Variants in GRIA1 observed in about 807,000 individuals in gnomAD.
The protein encoded by GRIA1 is glutamate ionotropic receptor AMPA type subunit 1, also known as glutamate receptor 1.
In GRIA1, 31 loss-of-function variants were observed where a neutral mutation model predicts 99.2. The observed-to-expected ratio is 0.31, with a 90% CI of 0.23 to 0.42. GRIA1 has a LOEUF of 0.42. Among genes scored for constraint, GRIA1 ranks in the 10% least tolerant of loss-of-function variants. GRIA1 has a pLI of 1.00. For missense variants in GRIA1, 782 were observed against 1,157.5 expected, an observed-to-expected ratio of 0.68 and a Z score of 4.71; for synonymous variants, 438 against 432.4, an observed-to-expected ratio of 1.01 and a Z score of -0.16.
intron 2 of GRIA1, among the ~76,000 whole-genome samples, chr5:153,592,859 G>GTAA (rs1764087827): frequency 6.6e-6 from 1 of 152,192 alleles, no homozygotes; most frequent in African/African-American, 2.4e-5. Context: ...TTTACAGATG[G>GTAA]CCACCTTCTT....
intron 13 of GRIA1, among the ~76,000 whole-genome samples, chr5:153,786,652 C>A (rs1764978533): frequency 6.6e-6 from 1 of 152,116 alleles, no homozygotes; most frequent in African/African-American, 2.4e-5. Context: ...AAGACTAAGA[C>A]CAATACACAT....
chr5:153,537,503 C>T (rs145578584), intron 2 of GRIA1, among the ~76,000 whole-genome samples: 3 of 152,328 alleles, frequency 2.0e-5, no homozygotes, highest in African/African-American at 7.2e-5. Flanking sequence ...GTCTCGCTGC[C>T]TGGGTCCCTT....
At chr5:153,653,621 CTA>C (rs1754730925) in intron 4 of GRIA1, among the ~76,000 whole-genome samples, 2 of 152,158 alleles carry the variant, frequency 1.3e-5, no homozygotes, top group Admixed American at 1.3e-4. Context: ...TCACATCCCC[CTA>C]TGTTATTGTC....
chr5:153,650,290 T>G, intron 3 of GRIA1, 40 bp from the exon 4 acceptor site: 2 of 1,479,520 alleles, frequency 1.4e-6, no homozygotes, highest in Non-Finnish European at 1.9e-6. Context: ...CCACAAATCC[T>G]GACTGTCTGT....
At chr5:153,771,078 A>G (rs1763855786) in intron 13 of GRIA1, among the ~76,000 whole-genome samples, 1 of 152,224 alleles carries the variant, frequency 6.6e-6, no homozygotes, top group African/African-American at 2.4e-5. Context: ...ATGGAGTCAC[A>G]ATACCTAGAT....
intron 2 of GRIA1, among the ~76,000 whole-genome samples, chr5:153,531,971 A>G (rs1340051692): frequency 6.6e-6 from 1 of 152,128 alleles, no homozygotes; most frequent in African/African-American, 2.4e-5. Context: ...CTTCCAGTCC[A>G]TACTTGAAAA....
intron 2 of GRIA1, among the ~76,000 whole-genome samples, chr5:153,560,033 A>G (rs1760986715): frequency 1.3e-5 from 2 of 152,256 alleles, no homozygotes; most frequent in African/African-American, 4.8e-5. Flanking sequence ...CTAGAAAACC[A>G]AGGCACAGAG....
intron 2 of GRIA1, among the ~76,000 whole-genome samples, chr5:153,559,353 G>A (rs1760924767): frequency 6.6e-6 from 1 of 152,170 alleles, no homozygotes; most frequent in Admixed American, 6.5e-5. Flanking sequence ...TTATCAAGAT[G>A]AGGCACATGA....
intron 2 of GRIA1, among the ~76,000 whole-genome samples, chr5:153,579,330 T>C (rs1037828179): frequency 3.3e-5 from 5 of 152,350 alleles, no homozygotes; most frequent in East Asian, 1.9e-4. Context: ...ATAGCACCAA[T>C]GTATTCTCTA....
chr5:153,611,020 G>A (rs1765940277), intron 2 of GRIA1, among the ~76,000 whole-genome samples: 1 of 151,996 alleles, frequency 6.6e-6, no homozygotes, highest in South Asian at 2.1e-4. Flanking sequence ...TTGGATATGG[G>A]GATTTCCAAA....
At chr5:153,493,030 T>A (rs1377234447) in intron 1 of GRIA1, among the ~76,000 whole-genome samples, 2 of 152,366 alleles carry the variant, frequency 1.3e-5, no homozygotes, top group Non-Finnish European at 2.9e-5. Flanking sequence ...TCTCTAGAAA[T>A]GGCTGATTTT....
In GRIA1 at chr5:153,811,156, C is replaced by T; in HGVS notation, c.2652C>T (p.Pro884=). Reference sequence around the variant, plus strand: ...GTCGGGTGGTCAGCCATGACTTCCCCAAGTCCATGCAATCGATTCCTTGCA... The same window carrying T: ...GTCGGGTGGTCAGCCATGACTTCCCTAAGTCCATGCAATCGATTCCTTGCA... The part of the protein sequence containing the change: ...ENGRVVSHDF[P]KSMQSIPCMS... The change falls in exon 16 of 16, where the codon CCC becomes CCT. Residue 884 remains proline, a synonymous_variant. Coordinates refer to ENST00000285900, the MANE Select transcript of GRIA1 (RefSeq NM_000827.4). The T allele has an allele frequency of 6.2e-7, 1 of 1,614,108 alleles. No individual in the cohort carries two copies. Among genetic ancestry groups the T allele is most frequent in the African/African-American group, 1.3e-5 (1 of 75,044 alleles).
At chr5:153,673,919 G>A (rs927541770) in intron 5 of GRIA1, among the ~76,000 whole-genome samples, 1 of 152,214 alleles carries the variant, frequency 6.6e-6, no homozygotes, top group Admixed American at 6.5e-5. Flanking sequence ...ATGGAAAAGA[G>A]CACAGGGTGA....
At chr5:153,743,959 C>T (rs547364204) in intron 11 of GRIA1, among the ~76,000 whole-genome samples, 1 of 152,224 alleles carries the variant, frequency 6.6e-6, no homozygotes, top group East Asian at 1.9e-4. Context: ...GGCCCAGGTC[C>T]TAGTGATGAA....
rs547489464 is a variant in GRIA1, at chr5:153,811,791, C to T, written c.*566C>T. The stretch of plus-strand genomic sequence containing the variant: ...CTCCATGGGGGCTCTCCATGTTACC[C>T]TCCACTCCTTGGCCCAAACCTCTGA... On this transcript the variant is annotated 3_prime_UTR_variant, in exon 16 of 16. Transcript: ENST00000285900. 1 of 154,334 alleles carries T rather than the reference C, an allele frequency of 6.5e-6. No individual in the cohort carries two copies. Among genetic ancestry groups the T allele is most frequent in the African/African-American group, 2.4e-5 (1 of 41,554 alleles). The allele number at this position is 154,334 out of a possible 1,614,324, so 9.6% of individuals were successfully genotyped here. A position where few individuals can be genotyped will look rare whatever the true frequency, so the allele number is the denominator to read the frequency against.
chr5:153,674,661 G>A lies in GRIA1; in HGVS notation c.861G>A (p.Lys287=). The change falls in exon 6 of 16, where the codon AAG becomes AAA. Residue 287 remains lysine (K), a splice_region_variant and synonymous_variant. Transcript: ENST00000285900. ...CACGGGTGGACTGGAAGAGACCCAAGGTGAGTGGATGGGCAGCCAGCAGCA... is the reference window on the plus strand; with the variant it reads ...CACGGGTGGACTGGAAGAGACCCAAAGTGAGTGGATGGGCAGCCAGCAGCA... ...DHTRVDWKRP[K]YTSALTYDGV... 6.2e-7 allele frequency: 1 copy of A among 1,613,794 alleles called. No individual in the cohort carries two copies. Among genetic ancestry groups the A allele is most frequent in the Non-Finnish European group, 8.5e-7 (1 of 1,179,792 alleles).
At chr5:153,660,950 A>T (rs1350613745) in intron 5 of GRIA1, among the ~76,000 whole-genome samples, 1 of 152,192 alleles carries the variant, frequency 6.6e-6, no homozygotes, top group Non-Finnish European at 1.5e-5. Flanking sequence ...GTACTTGGGA[A>T]CCAGGACAGT....
chr5:153,502,482 C>G (rs1353204898), intron 2 of GRIA1, among the ~76,000 whole-genome samples: 1 of 152,070 alleles, frequency 6.6e-6, no homozygotes, highest in Non-Finnish European at 1.5e-5. Context: ...AGGTGTAAGT[C>G]CAATTGAAAG....
At chr5:153,745,415 C>CCAT (rs1387281091) in intron 11 of GRIA1, among the ~76,000 whole-genome samples, 2 of 151,650 alleles carry the variant, frequency 1.3e-5, no homozygotes, top group African/African-American at 4.8e-5. Flanking sequence ...TGGTGAAACC[C>CCAT]CATCTCTACT....
Sources: gnomAD v4.1 joint callset for allele counts (sites outside exome capture counted in the v4.1 genomes callset) on GRCh38, gnomAD v4.1.1 for gene constraint, MANE v1.5 for transcripts, NCBI Gene and HGNC (gene_info 2026-07-23, HGNC 2026-07-21) for gene names.